Variants in AFAP1 observed in about 807,000 individuals in gnomAD.
The protein encoded by AFAP1 is actin filament-associated protein 1.
Under a neutral mutation model 93.9 loss-of-function variants are expected in AFAP1, and 75 were observed. The observed-to-expected ratio is 0.80, with a 90% CI of 0.66 to 0.97. The LOEUF (loss-of-function observed/expected upper bound fraction) is 0.97, where lower values mean the gene tolerates loss of function less well. AFAP1 is among the 50% of genes least tolerant of loss of function. The probability of loss-of-function intolerance (pLI) is 0.00; values close to 1 mark genes in which losing one functional copy is unlikely to be tolerated. For synonymous variants in AFAP1, 517 were observed against 430.7 expected (o/e 1.20, Z -2.48); for missense variants, 1,201 against 1,050.8 (o/e 1.14, Z -1.98).
chr4:7,874,559 T>G (rs1717369119), intron 1 of AFAP1, among the ~76,000 whole-genome samples: 1 of 131,014 alleles, frequency 7.6e-6, no homozygotes, highest in South Asian at 2.6e-4. Flanking sequence ...TTTTTTTTTT[T>G]TTTTTAGTAG....
chr4:7,929,707 C>T (rs1337791614), intron 1 of AFAP1, among the ~76,000 whole-genome samples: 1 of 152,208 alleles, frequency 6.6e-6, no homozygotes, highest in African/African-American at 2.4e-5. Context: ...CAGGCCCCAC[C>T]TGGGCTGGAA....
At chr4:7,852,035 C>T (rs566683155) in intron 4 of AFAP1, among the ~76,000 whole-genome samples, 24 of 152,180 alleles carry the variant, frequency 1.6e-4, no homozygotes, top group Non-Finnish European at 3.4e-4. Flanking sequence ...GACTCCAGCA[C>T]GCTGAAGTCA....
intron 1 of AFAP1, among the ~76,000 whole-genome samples, chr4:7,897,585 C>A (rs548391146): frequency 6.6e-6 from 1 of 152,020 alleles, no homozygotes; most frequent in African/African-American, 2.4e-5. Flanking sequence ...AGGGCAATGG[C>A]GTGATCTTGG....
At chr4:7,836,051 C>A (rs1712262688) in intron 6 of AFAP1, among the ~76,000 whole-genome samples, 1 of 151,946 alleles carries the variant, frequency 6.6e-6, no homozygotes, top group African/African-American at 2.4e-5. Flanking sequence ...ACTGGGGACC[C>A]CCGTGAAAAA....
intron 6 of AFAP1, among the ~76,000 whole-genome samples, chr4:7,827,569 C>CAAAAAAAAAAAAAAAA (rs58075483): frequency 0.025 from 1,280 of 52,210 alleles, 168 homozygotes; most frequent in Non-Finnish European, 0.034. Context: ...ACTCTGTCTC[C>CAAAAAAAAAAAAAAAA]AAAAAAAAAA....
chr4:7,763,668 C>A lies in AFAP1; in HGVS notation c.*97G>T. The A allele has an allele frequency of 6.8e-7, 1 of 1,473,818 alleles. No homozygotes were observed. The highest frequency in any genetic ancestry group is 9.3e-7 in the Non-Finnish European group (1 of 1,077,714). 91.3% of individuals were successfully genotyped at this position (1,473,818 alleles called of 1,614,324 possible). On this transcript the variant is annotated 3_prime_UTR_variant, in exon 18 of 18. Coordinates refer to ENST00000420658, the MANE Select transcript of AFAP1 (RefSeq NM_001134647.2). ...TCGTGGAGCCTCTGGAGTCGTGCAG[C>A]TGAGGCCACTCTGGGCAGAGCTTCC... is the stretch of plus-strand genomic sequence containing the variant.
chr4:7,848,836 TA>T (rs1414074217), intron 4 of AFAP1, among the ~76,000 whole-genome samples: 3 of 152,220 alleles, frequency 2.0e-5, no homozygotes, highest in Non-Finnish European at 4.4e-5. Context: ...ATTGCTATCA[TA>T]GTGTCATTCT....
rs1306240719 is a variant in AFAP1, at chr4:7,793,733, T to C, written c.1360A>G (p.Ile454Val). The C allele has an allele frequency of 4.4e-6, 7 of 1,579,638 alleles. No individual in the cohort carries two copies. The highest frequency in any genetic ancestry group is 2.3e-5 in the South Asian group (2 of 88,068). Residue 454 changes from isoleucine to valine, a missense_variant, in exon 11 of 18, where the codon ATT (isoleucine) becomes GTT (valine). By Grantham distance (29) the Ile-to-Val change is conservative. Transcript: ENST00000420658. The part of the protein sequence containing the change: ...TDPEALHYDY[I>V]DVEMSASVIQ... ...ACACTTGCAGACATCTCCACATCAA[T>C]GTAGTCATAGTGCAGAGCCTCCGGG...
At chr4:7,844,278 TAAG>T (rs1560194301) in intron 4 of AFAP1, among the ~76,000 whole-genome samples, 1 of 151,884 alleles carries the variant, frequency 6.6e-6, no homozygotes, top group Non-Finnish European at 1.5e-5. Flanking sequence ...GGTGGTCTTT[TAAG>T]AAGAGAGAGA....
intron 3 of AFAP1, 50 bp downstream of exon 3, chr4:7,868,572 A>G: frequency 6.5e-7 from 1 of 1,540,094 alleles, no homozygotes; most frequent in Non-Finnish European, 8.8e-7. Flanking sequence ...GCCCGTAAGT[A>G]CCCCCAGGCC....
At chr4:7,871,272 T>C (rs1046592757) in intron 2 of AFAP1, among the ~76,000 whole-genome samples, 2 of 152,184 alleles carry the variant, frequency 1.3e-5, no homozygotes, top group Non-Finnish European at 2.9e-5. Context: ...GGAACGTGGA[T>C]TTCAGAAGTG....
At chr4:7,830,496 C>T (rs73086472) in intron 6 of AFAP1, among the ~76,000 whole-genome samples, 3 of 152,184 alleles carry the variant, frequency 2.0e-5, no homozygotes, top group Non-Finnish European at 4.4e-5. Flanking sequence ...GAAAAAACAG[C>T]TGCAGGGTTT....
At chr4:7,872,938 T>TAAA (rs1426648005) in intron 1 of AFAP1, among the ~76,000 whole-genome samples, 58 of 135,920 alleles carry the variant, frequency 4.3e-4, no homozygotes, top group African/African-American at 1.4e-3. Flanking sequence ...TTTTTTTTTT[T>TAAA]TAAAAAAAAA....
At chr4:7,769,644 TG>T (rs200792473) in intron 16 of AFAP1, among the ~76,000 whole-genome samples, 3 of 140,978 alleles carry the variant, frequency 2.1e-5, no homozygotes, top group Non-Finnish European at 3.0e-5. Flanking sequence ...AACTGCTCTC[TG>T]GGGGGAAAAA....
At chr4:7,794,152 G>A (rs1432604428) in intron 10 of AFAP1, among the ~76,000 whole-genome samples, 1 of 152,128 alleles carries the variant, frequency 6.6e-6, no homozygotes, top group South Asian at 2.1e-4. Flanking sequence ...AAGTTGCTGG[G>A]GTGCCTTTGG....
intron 3 of AFAP1, among the ~76,000 whole-genome samples, chr4:7,860,080 C>A (rs1053662578): frequency 1.3e-5 from 2 of 152,070 alleles, no homozygotes; most frequent in African/African-American, 4.8e-5. Context: ...GAAGTCGAGG[C>A]TGCAGTGAGC....
chr4:7,859,993 A>C (rs1020921497), intron 3 of AFAP1, among the ~76,000 whole-genome samples: 4 of 152,084 alleles, frequency 2.6e-5, no homozygotes, highest in African/African-American at 7.2e-5. Flanking sequence ...AAATACAAAA[A>C]TTAGCCAGGC....
intron 6 of AFAP1, among the ~76,000 whole-genome samples, chr4:7,833,589 CTTTTTTTTT>C (rs33990733): frequency 7.6e-6 from 1 of 131,802 alleles, no homozygotes; most frequent in African/African-American, 2.9e-5. Context: ...GTGGAGATGT[CTTTTTTTTT>C]TTTTTTTTTA....
intron 4 of AFAP1, among the ~76,000 whole-genome samples, chr4:7,851,948 G>T (rs1714486693): frequency 6.6e-6 from 1 of 152,182 alleles, no homozygotes; most frequent in Admixed American, 6.5e-5. Flanking sequence ...CATTGCTTCT[G>T]ACCAGGGAAC....
Sources: gnomAD v4.1 joint callset for allele counts (sites outside exome capture counted in the v4.1 genomes callset) on GRCh38, gnomAD v4.1.1 for gene constraint, MANE v1.5 for transcripts, NCBI Gene and HGNC (gene_info 2026-07-23, HGNC 2026-07-21) for gene names.